The following PLCB1 variants were observed in gnomAD, a reference collection of about 807,000 sequenced individuals.
PLCB1 encodes the protein phospholipase C beta 1.
PLCB1 carries 46 observed loss-of-function variants against 161.8 expected under a neutral mutation model. The ratio of observed to expected loss-of-function variants is 0.28; its 90% CI spans 0.22 to 0.36. The LOEUF (loss-of-function observed/expected upper bound fraction) is 0.36. PLCB1 is among the 10% of genes least tolerant of loss of function. The pLI is 1.00. For synonymous variants in PLCB1, 517 were observed against 503.7 expected, an observed-to-expected ratio of 1.03 and a Z score of -0.35; for missense variants, 1,016 against 1,472.5, an observed-to-expected ratio of 0.69 and a Z score of 5.07.
Position 8,281,769 on chromosome 20 carries a change from C to T in PLCB1, c.178-89613C>T, listed in dbSNP as rs76771754. On this transcript the variant is annotated intron_variant, in intron 2 of 31. Transcript: ENST00000338037. ...GTGCTTCTATTTAGATGTCTACTTTCATTTTATTTTTTAACATTGTACTGT... is the reference window on the plus strand; with the variant it reads ...GTGCTTCTATTTAGATGTCTACTTTTATTTTATTTTTTAACATTGTACTGT... Among the ~76,000 whole-genome samples, 1,269 of 152,158 alleles carry T rather than the reference C, an allele frequency of 8.3e-3. 7 individuals are homozygous for T. The highest frequency in any genetic ancestry group is 0.011 in the Non-Finnish European group (762 of 67,966).
At chr20:8,815,536 G>A (rs1004262689) in intron 31 of PLCB1, among the ~76,000 whole-genome samples, 1 of 152,124 alleles carries the variant, frequency 6.6e-6, no homozygotes, top group Non-Finnish European at 1.5e-5. Flanking sequence ...AGGTGGTGTT[G>A]ACACAATTGG....
At chr20:8,648,941 TA>T (rs11478396) in intron 6 of PLCB1, among the ~76,000 whole-genome samples, 40,263 of 129,874 alleles carry the variant, frequency 0.31, 6,119 homozygotes, top group African/African-American at 0.44. Flanking sequence ...ACCCTGTCTC[TA>T]AAAAAAAAAA....
intron 3 of PLCB1, among the ~76,000 whole-genome samples, chr20:8,475,973 C>T (rs948407398): frequency 6.6e-5 from 10 of 152,172 alleles, no homozygotes; most frequent in African/African-American, 1.9e-4. Flanking sequence ...CCAATTCTGA[C>T]GCAGGTCTGG....
intron 3 of PLCB1, among the ~76,000 whole-genome samples, chr20:8,606,691 C>G (rs1987768266): frequency 6.6e-6 from 1 of 152,190 alleles, no homozygotes; most frequent in Non-Finnish European, 1.5e-5. Flanking sequence ...GAATGAGGGA[C>G]TTGATGGCTT....
At chr20:8,726,645 C>T (rs756789038) in intron 16 of PLCB1, among the ~76,000 whole-genome samples, 6 of 151,938 alleles carry the variant, frequency 3.9e-5, no homozygotes, top group African/African-American at 1.5e-4. Context: ...AGGGGAACCA[C>T]GCCCATAATT....
At chr20:8,579,296 G>A (rs578209486) in intron 3 of PLCB1, among the ~76,000 whole-genome samples, 7 of 152,314 alleles carry the variant, frequency 4.6e-5, no homozygotes, top group African/African-American at 7.2e-5. Context: ...CAGGCTATCC[G>A]GCCAGAGGAG....
chr20:8,618,985 T>A (rs760330934), intron 3 of PLCB1, among the ~76,000 whole-genome samples: 10 of 152,214 alleles, frequency 6.6e-5, no homozygotes, highest in Non-Finnish European at 1.2e-4. Flanking sequence ...GTATTTACTC[T>A]TAGAATATTT....
chr20:8,526,328 G>A (rs988578431), intron 3 of PLCB1, among the ~76,000 whole-genome samples: 1 of 152,078 alleles, frequency 6.6e-6, no homozygotes, highest in African/African-American at 2.4e-5. Flanking sequence ...TTTCTTTGAT[G>A]TATGCATTTT....
At chr20:8,173,789 A>T (rs1454548126) in intron 2 of PLCB1, among the ~76,000 whole-genome samples, 1 of 152,202 alleles carries the variant, frequency 6.6e-6, no homozygotes, top group African/African-American at 2.4e-5. Context: ...CAGCAAAAAA[A>T]TAGAAGTTTT....
intron 2 of PLCB1, among the ~76,000 whole-genome samples, chr20:8,345,747 A>G (rs1278111241): frequency 6.6e-6 from 1 of 152,214 alleles, no homozygotes; most frequent in Non-Finnish European, 1.5e-5. Flanking sequence ...ATTGATCTCT[A>G]GGGATCCTGA....
At chr20:8,145,120 A>T (rs568758436) in intron 1 of PLCB1, among the ~76,000 whole-genome samples, 1 of 152,240 alleles carries the variant, frequency 6.6e-6, no homozygotes, top group South Asian at 2.1e-4. Context: ...ATTTTCTCAC[A>T]GTTTGGGAGG....
chr20:8,539,651 T>C (rs1211613500), intron 3 of PLCB1, among the ~76,000 whole-genome samples: 2 of 92,494 alleles, frequency 2.2e-5, no homozygotes, highest in African/African-American at 8.9e-5. Context: ...TTTCTTTCTT[T>C]CTTTCTTTCT....
At chr20:8,254,545 T>C (rs1038171699) in intron 2 of PLCB1, among the ~76,000 whole-genome samples, 2 of 151,052 alleles carry the variant, frequency 1.3e-5, no homozygotes, top group African/African-American at 4.9e-5. Context: ...AGGCTCCTCT[T>C]TCCTGAGGAG....
intron 3 of PLCB1, 59 bp downstream of exon 3, chr20:8,371,509 C>T: frequency 8.5e-7 from 1 of 1,177,330 alleles, no homozygotes; most frequent in Non-Finnish European, 1.2e-6. Context: ...GGCTGTGTCA[C>T]AATATCAATT....
Position 8,629,430 on chromosome 20 carries a change from C to G in PLCB1, c.384+999C>G, listed in dbSNP as rs367608747. On this transcript the variant is annotated intron_variant, in intron 4 of 31. Transcript: ENST00000338037. ...ACAAGAAGCTGTGAACATCTAGGAC[C>G]CCTGGATTCAAGTGCAATGCTTTCT... 3.9e-5 allele frequency among the ~76,000 whole-genome samples: 6 copies of G among 152,182 alleles called. No homozygotes were observed. In the East Asian group the frequency reaches 9.6e-4, roughly 24 times the overall value.
chr20:8,277,989 T>C (rs1982663259), intron 2 of PLCB1, among the ~76,000 whole-genome samples: 1 of 151,984 alleles, frequency 6.6e-6, no homozygotes, highest in Admixed American at 6.6e-5. Flanking sequence ...CCTCTGAAAA[T>C]TTATCCTCCA....
intron 3 of PLCB1, chr20:8,371,847 G>A (rs1986914716): frequency 6.2e-6 from 1 of 161,722 alleles, no homozygotes; most frequent in Non-Finnish European, 1.3e-5. Flanking sequence ...CTCTGCAATT[G>A]AAATGATTCC....
intron 4 of PLCB1, among the ~76,000 whole-genome samples, chr20:8,628,910 G>A (rs1988439969): frequency 6.6e-6 from 1 of 151,864 alleles, no homozygotes; most frequent in Admixed American, 6.6e-5. Flanking sequence ...TCCAGCCTGG[G>A]TGACAGAGTG....
At chr20:8,729,768 T>C (rs1980133778) in intron 18 of PLCB1, 1 of 151,988 alleles carries the variant, frequency 6.6e-6, no homozygotes, top group African/African-American at 2.4e-5. Flanking sequence ...AAAAACAGAA[T>C]TACTAACGTT....
Sources: allele counts gnomAD v4.1 joint callset (sites outside exome capture counted in the v4.1 genomes callset), GRCh38; gene constraint gnomAD v4.1.1; transcripts MANE v1.5; gene names NCBI Gene and HGNC (gene_info 2026-07-23, HGNC 2026-07-21).